The following AATK variants were observed in gnomAD, a reference collection of about 807,000 sequenced individuals.
AATK encodes lemur tail kinase 1.
AATK carries 91 observed loss-of-function variants against 114.3 expected under a neutral mutation model. That is an observed-to-expected ratio of 0.80 (90% CI 0.67 to 0.95). The LOEUF (loss-of-function observed/expected upper bound fraction) is 0.95, where lower values mean the gene tolerates loss of function less well. Among genes scored for constraint, AATK ranks in the 40% least tolerant of loss-of-function variants. The pLI is 0.00. For missense variants in AATK, 2,176 were observed against 1,965.2 expected (o/e 1.11, Z -2.03); for synonymous variants, 1,075 against 916.5 (o/e 1.17, Z -3.12).
chr17:81,133,048 C>T (rs1469617555), intron 2 of AATK: 2 of 322,878 alleles, frequency 6.2e-6, no homozygotes, highest in South Asian at 2.2e-5. Flanking sequence ...CCCAGGAAGG[C>T]GCCTGCGCGG....
intron 2 of AATK, chr17:81,132,594 A>G: frequency 4.5e-6 from 1 of 221,148 alleles, no homozygotes; most frequent in South Asian, 4.2e-5. Flanking sequence ...TGGGCTTTGT[A>G]GAGGGGCCCA....
intron 1 of AATK, among the ~76,000 whole-genome samples, chr17:81,135,139 C>T (rs568755944): frequency 1.6e-4 from 24 of 152,302 alleles, no homozygotes; most frequent in African/African-American, 5.1e-4. Flanking sequence ...ATGGGGAAAC[C>T]CCGTTCTGCA....
In AATK at chr17:81,120,465, C is replaced by A; in HGVS notation, c.3471G>T (p.Arg1157=). The change falls in exon 11 of 14, where the codon CGG becomes CGT. Residue 1157 remains arginine (R), a synonymous_variant. Coordinates refer to ENST00000326724, the MANE Select transcript of AATK (RefSeq NM_001080395.3). Reference sequence around the variant, plus strand: ...CACTGTCCTCCTCCTCCTCCTCCGGCCGGCCCTCCAAGGCCGCAGGGAGGC... The same window carrying A: ...CACTGTCCTCCTCCTCCTCCTCCGGACGGCCCTCCAAGGCCGCAGGGAGGC... ...LPGLPAALEG[R]PEEEEEDSED... The A allele has an allele frequency of 6.5e-7, 1 of 1,539,994 alleles. No individual in the cohort carries two copies. The highest frequency in any genetic ancestry group is 1.2e-5 in the South Asian group (1 of 81,934).
chr17:81,118,132 A>C lies in AATK; in HGVS notation c.*270T>G, dbSNP rs930401543. The stretch of plus-strand genomic sequence containing the variant: ...CTTTTGAGTGTGTATGTGTGTACAG[A>C]CACCCACTGTGGCTCCAGGCGCCCC... On this transcript the variant is annotated 3_prime_UTR_variant, in exon 14 of 14. Coordinates refer to ENST00000326724, the MANE Select transcript of AATK (RefSeq NM_001080395.3). 6 of 522,676 alleles carry C rather than the reference A, an allele frequency of 1.1e-5. No homozygotes were observed. The highest frequency in any genetic ancestry group is 2.1e-5 in the Non-Finnish European group (6 of 289,398). The allele number at this position is 522,676 out of a possible 1,614,324, so 32.4% of individuals were successfully genotyped here.
intron 1 of AATK, among the ~76,000 whole-genome samples, chr17:81,148,698 G>A (rs1178335718): frequency 3.9e-5 from 6 of 152,102 alleles, no homozygotes; most frequent in African/African-American, 7.2e-5. Context: ...ACAGACACAC[G>A]GGCACACACT....
chr17:81,127,919 C>G lies in AATK; in HGVS notation c.415-9G>C. On this transcript the variant is annotated splice_polypyrimidine_tract_variant and intron_variant, in intron 4 of 13. Coordinates refer to ENST00000326724, the MANE Select transcript of AATK (RefSeq NM_001080395.3). ...ACCTCCCCCAGGAACACCTGTGGGA[C>G]AGACAGCATCACCCACGGCTGCTCC... is the stretch of plus-strand genomic sequence containing the variant. The G allele has an allele frequency of 6.5e-7, 1 of 1,548,418 alleles. No homozygotes were observed. The highest frequency in any genetic ancestry group is 2.4e-5 in the East Asian group (1 of 40,914).
rs2060578167 is a variant in AATK, at chr17:81,117,441, A to C, written c.*961T>G. On this transcript the variant is annotated 3_prime_UTR_variant, in exon 14 of 14. Coordinates refer to ENST00000326724, the MANE Select transcript of AATK (RefSeq NM_001080395.3). ...ATCTCTTTGGCAACAATAACTTAAAATCACCCAACTTCCATTCGCTCCAAC... is the reference window on the plus strand; with the variant it reads ...ATCTCTTTGGCAACAATAACTTAAACTCACCCAACTTCCATTCGCTCCAAC... 1 of 152,322 alleles carries C rather than the reference A, an allele frequency of 6.6e-6. No individual in the cohort carries two copies. The highest frequency in any genetic ancestry group is 2.4e-5 in the African/African-American group (1 of 41,458). The allele number at this position is 152,322 out of a possible 1,614,324, so 9.4% of individuals were successfully genotyped here. A position where few individuals can be genotyped will look rare whatever the true frequency, so the allele number is the denominator to read the frequency against.
Position 81,126,740 on chromosome 17 carries a change from TCCC to T in AATK, c.622-183_622-181del. 2.1e-6 allele frequency: 3 copies of T among 1,414,668 alleles called. No homozygotes were observed. The highest frequency in any genetic ancestry group is 2.8e-6 in the Non-Finnish European group (3 of 1,086,174). 87.6% of individuals were successfully genotyped at this position (1,414,668 alleles called of 1,614,324 possible). A position where few individuals can be genotyped will look rare whatever the true frequency, so the allele number is the denominator to read the frequency against. On this transcript the variant is annotated intron_variant, in intron 6 of 13. Coordinates refer to ENST00000326724, the MANE Select transcript of AATK (RefSeq NM_001080395.3). This position sits in a 1 kb window ranked among gnomAD's most constrained non-coding sequence, Gnocchi z 5.1. ...CAGCAGTTCCTGGAGGGGGGCCGTG[TCCC>T]CCAGGGCTGGGCTGGACTGAAGGCT...
chr17:81,118,455 A>G lies in AATK; in HGVS notation c.4085-13T>C, dbSNP rs1340359271. ...CCAGCTTCAGGTCCTGGCAAGCAGG[A>G]CAACAAAGTGAACACAGGGTTCTGA... On this transcript the variant is annotated splice_polypyrimidine_tract_variant and intron_variant, in intron 13 of 13. Transcript: ENST00000326724. 1.9e-6 allele frequency: 3 copies of G among 1,605,176 alleles called. No homozygotes were observed. The highest frequency in any genetic ancestry group is 2.5e-6 in the Non-Finnish European group (3 of 1,176,708).
intron 1 of AATK, among the ~76,000 whole-genome samples, chr17:81,155,413 A>G (rs2061349390): frequency 6.6e-6 from 1 of 151,686 alleles, no homozygotes; most frequent in Non-Finnish European, 1.5e-5. Context: ...TTTGAGACGC[A>G]GTCTCACTCT....
chr17:81,146,004 A>G (rs1172860911), intron 1 of AATK, among the ~76,000 whole-genome samples: 3 of 151,426 alleles, frequency 2.0e-5, no homozygotes, highest in Non-Finnish European at 4.4e-5. Context: ...CCTGGGCAAC[A>G]TGGCCAAATC....
Position 81,118,140 on chromosome 17 carries a change from T to C in AATK, c.*262A>G. 1.9e-6 allele frequency: 1 copy of C among 532,698 alleles called. No homozygotes were observed. Among genetic ancestry groups the C allele is most frequent in the South Asian group, 2.3e-5 (1 of 42,618 alleles). 33.0% of individuals were successfully genotyped at this position (532,698 alleles called of 1,614,324 possible). ...TGTGTATGTGTGTACAGACACCCAC[T>C]GTGGCTCCAGGCGCCCCCAGGGGCT... On this transcript the variant is annotated 3_prime_UTR_variant, in exon 14 of 14. Transcript: ENST00000326724.
chr17:81,163,233 C>T (rs557107108), intron 1 of AATK, among the ~76,000 whole-genome samples: 4 of 152,176 alleles, frequency 2.6e-5, no homozygotes, highest in South Asian at 2.1e-4. Context: ...GGGCTCAGGA[C>T]GACTAGAAAT....
At chr17:81,152,489 C>T (rs9674558) in intron 1 of AATK, among the ~76,000 whole-genome samples, 44,376 of 151,924 alleles carry the variant, frequency 0.29, 7,657 homozygotes, top group Admixed American at 0.4. Context: ...GAGGCTGAGG[C>T]GGGAGGATCG....
chr17:81,157,341 C>T (rs369553996), intron 1 of AATK, among the ~76,000 whole-genome samples: 1 of 152,196 alleles, frequency 6.6e-6, no homozygotes, highest in African/African-American at 2.4e-5. Flanking sequence ...TGCACACGCT[C>T]GCCTCCAACC....
At chr17:81,141,260 G>A (rs2061134038) in intron 1 of AATK, among the ~76,000 whole-genome samples, 1 of 152,180 alleles carries the variant, frequency 6.6e-6, no homozygotes, top group African/African-American at 2.4e-5. Context: ...GACCAGCCTG[G>A]CCAACGTGGT....
At chr17:81,136,670 C>A (rs944965173) in intron 1 of AATK, among the ~76,000 whole-genome samples, 2 of 152,202 alleles carry the variant, frequency 1.3e-5, no homozygotes, top group African/African-American at 4.8e-5. Flanking sequence ...GGTCATTCAG[C>A]ACCACGTGCT....
chr17:81,159,065 G>A (rs1309127895), intron 1 of AATK, among the ~76,000 whole-genome samples: 2 of 152,212 alleles, frequency 1.3e-5, no homozygotes, highest in Non-Finnish European at 1.5e-5. Flanking sequence ...GCTGGGGGCA[G>A]GGGATGGGGA....
chr17:81,161,673 T>G (rs1393623497), intron 1 of AATK, among the ~76,000 whole-genome samples: 2 of 152,056 alleles, frequency 1.3e-5, no homozygotes, highest in Admixed American at 6.6e-5. Flanking sequence ...CCGGACCCCA[T>G]TTCAGAGGTG....
Sources: allele counts gnomAD v4.1 joint callset (sites outside exome capture counted in the v4.1 genomes callset), GRCh38; gene constraint gnomAD v4.1.1; non-coding constraint Gnocchi (gnomAD v3.1); transcripts MANE v1.5; gene names NCBI Gene and HGNC (gene_info 2026-07-23, HGNC 2026-07-21).